Variants in MAN1A2 observed in about 807,000 individuals in gnomAD.
MAN1A2 encodes mannosyl-oligosaccharide 1,2-alpha-mannosidase IB.
MAN1A2 carries 26 observed loss-of-function variants against 75.7 expected under a neutral mutation model. The observed-to-expected ratio is 0.34, with a 90% CI of 0.25 to 0.48. The LOEUF is 0.48. MAN1A2 is among the 20% of genes least tolerant of loss of function. The pLI is 0.99. For missense variants in MAN1A2, 562 were observed against 775.5 expected, an observed-to-expected ratio of 0.72 and a Z score of 3.27; for synonymous variants, 247 against 264.6, an observed-to-expected ratio of 0.93 and a Z score of 0.65.
chr1:117,409,344 C>T lies in MAN1A2; in HGVS notation c.655+3699C>T, dbSNP rs539733314. ...ATTCAATTCAGTGTTTTAAAATTTT[C>T]CTTGCGTAAGTTTAAGTATTTAGAG... On this transcript the variant is annotated intron_variant, in intron 3 of 12. Coordinates refer to ENST00000356554, the MANE Select transcript of MAN1A2 (RefSeq NM_006699.5). 7.2e-5 allele frequency among the ~76,000 whole-genome samples: 11 copies of T among 152,048 alleles called. No individual in the cohort carries two copies. The Middle Eastern group carries it at 0.014, about 188-fold the overall frequency.
chr1:117,409,045 G>A (rs1240547287), intron 3 of MAN1A2, among the ~76,000 whole-genome samples: 1 of 152,040 alleles, frequency 6.6e-6, no homozygotes, highest in Admixed American at 6.6e-5. Flanking sequence ...CCTGCTAGAA[G>A]TTTATTAATT....
chr1:117,420,923 T>G (rs1201959820), intron 5 of MAN1A2, among the ~76,000 whole-genome samples: 1 of 152,086 alleles, frequency 6.6e-6, no homozygotes, highest in Non-Finnish European at 1.5e-5. Context: ...CCATTGCAAT[T>G]AATTCCATGG....
At chr1:117,390,703 G>T (rs1653687158) in intron 1 of MAN1A2, among the ~76,000 whole-genome samples, 1 of 151,414 alleles carries the variant, frequency 6.6e-6, no homozygotes, top group African/African-American at 2.4e-5. Context: ...AGAAGCTGAG[G>T]TTCTTGATAT....
chr1:117,451,665 A>T (rs534094366), intron 6 of MAN1A2, among the ~76,000 whole-genome samples: 52 of 152,194 alleles, frequency 3.4e-4, no homozygotes, highest in Middle Eastern at 3.4e-3. Flanking sequence ...TAAAAAGGGG[A>T]GTTTTGTTAC....
chr1:117,521,939 C>A (rs569475879), intron 12 of MAN1A2, among the ~76,000 whole-genome samples: 1 of 151,840 alleles, frequency 6.6e-6, no homozygotes, highest in Non-Finnish European at 1.5e-5. Context: ...AATGGAAAAA[C>A]CAAGCATCGT....
At chr1:117,463,888 C>T (rs1649903217) in intron 7 of MAN1A2, among the ~76,000 whole-genome samples, 1 of 152,062 alleles carries the variant, frequency 6.6e-6, no homozygotes, top group African/African-American at 2.4e-5. Flanking sequence ...CAACAAAGAA[C>T]TCGTTGCACA....
intron 8 of MAN1A2, among the ~76,000 whole-genome samples, chr1:117,481,781 G>C (rs1021344909): frequency 1.3e-5 from 2 of 151,980 alleles, no homozygotes; most frequent in Admixed American, 1.3e-4. Context: ...GCTTAGGATT[G>C]AAACTGGCAC....
Position 117,368,370 on chromosome 1 carries a change from C to A in MAN1A2, c.187C>A (p.His63Asn). Residue 63 changes from histidine (H) to asparagine (N), a missense_variant, in exon 1 of 13, where the codon CAC becomes AAC. By Grantham distance (68) the His-to-Asn change is moderately conservative. Coordinates refer to ENST00000356554, the MANE Select transcript of MAN1A2 (RefSeq NM_006699.5). ...CTTTTTCCTTCCAGACTCTTCAAAA[C>A]ACAAACGCTTTGATTTGGGTTTAGA... The part of the protein sequence containing the change: ...AFFFLPDSSK[H>N]KRFDLGLEDV... 6.2e-7 allele frequency: 1 copy of A among 1,614,064 alleles called. No individual in the cohort carries two copies. The highest frequency in any genetic ancestry group is 8.5e-7 in the Non-Finnish European group (1 of 1,179,970).
intron 12 of MAN1A2, 102 bp from the exon 13 acceptor site, chr1:117,522,723 G>C (rs1651899947): frequency 9.1e-6 from 9 of 989,098 alleles, no homozygotes; most frequent in Non-Finnish European, 1.2e-5. Flanking sequence ...CATCAAAGCT[G>C]CTCAAAATAC....
chr1:117,388,277 C>G (rs777078369), intron 1 of MAN1A2, among the ~76,000 whole-genome samples: 23 of 152,174 alleles, frequency 1.5e-4, no homozygotes, highest in Non-Finnish European at 3.2e-4. Flanking sequence ...TCTATAATAA[C>G]AAGGAGTGAT....
At chr1:117,389,722 T>G (rs6662808) in intron 1 of MAN1A2, among the ~76,000 whole-genome samples, 18,849 of 152,048 alleles carry the variant, frequency 0.12, 1,221 homozygotes, top group Non-Finnish European at 0.14. Flanking sequence ...TCTTTTTTTT[T>G]TGTGTGTGTC....
intron 5 of MAN1A2, among the ~76,000 whole-genome samples, chr1:117,435,160 A>T (rs543471264): frequency 6.6e-6 from 1 of 152,244 alleles, no homozygotes; most frequent in Middle Eastern, 3.4e-3. Flanking sequence ...TCAATGGAGA[A>T]GTATTGACTG....
At position 117,524,404 on chromosome 1, in the gene MAN1A2, T is replaced by A. The variant is rs902790883; in HGVS notation, c.*1447T>A. 2.0e-5 allele frequency: 3 copies of A among 151,904 alleles called. No homozygotes were observed. Among genetic ancestry groups the A allele is most frequent in the Non-Finnish European group, 2.9e-5 (2 of 67,824 alleles). 9.4% of individuals were successfully genotyped at this position (151,904 alleles called of 1,614,324 possible). ...ATGTGACAGTGCAAGATACTTTTGCTCTTTTCATTTAATATAGGCATCTTC... is the reference window on the plus strand; with the variant it reads ...ATGTGACAGTGCAAGATACTTTTGCACTTTTCATTTAATATAGGCATCTTC... On this transcript the variant is annotated 3_prime_UTR_variant, in exon 13 of 13. Transcript: ENST00000356554.
chr1:117,464,253 G>T (rs1226941295), intron 7 of MAN1A2, among the ~76,000 whole-genome samples: 1 of 151,760 alleles, frequency 6.6e-6, no homozygotes, highest in Non-Finnish European at 1.5e-5. Context: ...CAGCTACTTG[G>T]GAGGCTGAGG....
At chr1:117,368,707 AGTC>A (rs894247428) in intron 1 of MAN1A2, among the ~76,000 whole-genome samples, 2 of 152,106 alleles carry the variant, frequency 1.3e-5, no homozygotes, top group Non-Finnish European at 2.9e-5. Flanking sequence ...GTCCTACCTA[AGTC>A]GTTCTTCTCT....
chr1:117,504,415 G>T (rs376323126), intron 12 of MAN1A2, among the ~76,000 whole-genome samples: 2 of 145,754 alleles, frequency 1.4e-5, no homozygotes, highest in Non-Finnish European at 3.0e-5. Flanking sequence ...CTTTCTTTCT[G>T]TGTACACTCA....
At chr1:117,429,525 C>A (rs1375830197) in intron 5 of MAN1A2, among the ~76,000 whole-genome samples, 1 of 33,382 alleles carries the variant, frequency 3.0e-5, no homozygotes, top group Non-Finnish European at 6.0e-5. Flanking sequence ...GCTGGCCGGG[C>A]GGGGGGCCGA....
At chr1:117,428,025 TG>T (rs1415794596) in intron 5 of MAN1A2, among the ~76,000 whole-genome samples, 1 of 152,082 alleles carries the variant, frequency 6.6e-6, no homozygotes, top group Non-Finnish European at 1.5e-5. Context: ...AATTAATCCC[TG>T]GGACAAACAT....
chr1:117,380,794 G>A (rs989277039), intron 1 of MAN1A2, among the ~76,000 whole-genome samples: 1 of 152,118 alleles, frequency 6.6e-6, no homozygotes, highest in South Asian at 2.1e-4. Flanking sequence ...TTGAAATTGA[G>A]AAGTGTTCCA....
Sources: allele counts gnomAD v4.1 joint callset (sites outside exome capture counted in the v4.1 genomes callset), GRCh38; gene constraint gnomAD v4.1.1; transcripts MANE v1.5; gene names NCBI Gene and HGNC (gene_info 2026-07-23, HGNC 2026-07-21).